The following ZNG1E variants were observed in gnomAD, a reference collection of about 807,000 sequenced individuals.
ZNG1E encodes zinc-regulated GTPase metalloprotein activator 1E.
At chr9:65,680,856 T>C in the ZNG1E span, among the ~76,000 whole-genome samples, 1 of 152,110 alleles carries the variant, frequency 6.6e-6, no homozygotes, top group Non-Finnish European at 1.5e-5. Context: ...TGGCACAGTC[T>C]CGGGTCACTG....
the ZNG1E span, among the ~76,000 whole-genome samples, chr9:65,709,441 G>T: frequency 2.9e-5 from 4 of 138,546 alleles, no homozygotes; most frequent in South Asian, 4.5e-4. Flanking sequence ...CATGCTGGTG[G>T]GCTGCACCCA....
the ZNG1E span, among the ~76,000 whole-genome samples, chr9:65,688,034 C>A: frequency 4.6e-5 from 7 of 151,158 alleles, no homozygotes; most frequent in African/African-American, 1.5e-4. Flanking sequence ...TTCTTTTGTT[C>A]TTCGTATGTA....
At chr9:65,665,241 C>T in the ZNG1E span, among the ~76,000 whole-genome samples, 1 of 152,284 alleles carries the variant, frequency 6.6e-6, no homozygotes, top group Non-Finnish European at 1.5e-5. Flanking sequence ...ATCACAGGCC[C>T]AGAGGTTTAG....
the ZNG1E span, among the ~76,000 whole-genome samples, chr9:65,657,494 C>A: frequency 6.6e-6 from 1 of 152,282 alleles, no homozygotes; most frequent in Non-Finnish European, 1.5e-5. Context: ...CACATGTTCT[C>A]ACTCATTTGT....
At chr9:65,659,613 A>T in the ZNG1E span, among the ~76,000 whole-genome samples, 1 of 151,960 alleles carries the variant, frequency 6.6e-6, no homozygotes, top group African/African-American at 2.4e-5. Flanking sequence ...GTCCCTGTGG[A>T]CTTAGGCCAG....
chr9:65,658,099 CAAA>C, the ZNG1E span, among the ~76,000 whole-genome samples: 1 of 47,432 alleles, frequency 2.1e-5, no homozygotes, highest in African/African-American at 1.1e-4. Context: ...AACTCCGTCT[CAAA>C]AAAAAAAAAA....
the ZNG1E span, among the ~76,000 whole-genome samples, chr9:65,659,336 A>C: frequency 6.7e-6 from 1 of 150,212 alleles, no homozygotes; most frequent in African/African-American, 2.5e-5. Flanking sequence ...CTCTACTAAA[A>C]ATACAAAAAT....
chr9:65,717,999 T>A, the ZNG1E span, among the ~76,000 whole-genome samples: 7 of 141,928 alleles, frequency 4.9e-5, no homozygotes, highest in African/African-American at 1.7e-4. Context: ...TTCTTTTTTT[T>A]ATATTTATTT....
chr9:65,659,383 T>TAGCTGGG, the ZNG1E span, among the ~76,000 whole-genome samples: 2 of 150,886 alleles, frequency 1.3e-5, no homozygotes, highest in South Asian at 4.2e-4. Context: ...TAATCCCAGC[T>TAGCTGGG]ACTCAGAAGG....
the ZNG1E span, among the ~76,000 whole-genome samples, chr9:65,663,161 C>T: frequency 6.6e-6 from 1 of 152,278 alleles, no homozygotes; most frequent in African/African-American, 2.4e-5. Context: ...CCAATGTTTA[C>T]TGAGGAAGAA....
the ZNG1E span, among the ~76,000 whole-genome samples, chr9:65,672,443 A>G: frequency 7.7e-6 from 1 of 129,198 alleles, no homozygotes; most frequent in Non-Finnish European, 1.6e-5. Context: ...TAACCTTCTT[A>G]TAAGTTAAAA....
the ZNG1E span, among the ~76,000 whole-genome samples, chr9:65,684,556 A>ACACACT: frequency 7.2e-6 from 1 of 139,276 alleles, no homozygotes; most frequent in African/African-American, 2.8e-5. Flanking sequence ...GCACGCACAC[A>ACACACT]CACACACACA....
At chr9:65,676,589 G>A in the ZNG1E span, among the ~76,000 whole-genome samples, 2 of 150,998 alleles carry the variant, frequency 1.3e-5, no homozygotes, top group Non-Finnish European at 2.9e-5. Context: ...CCCTTCCCCA[G>A]GAGCCAAAGT....
At chr9:65,714,081 C>T in the ZNG1E span, among the ~76,000 whole-genome samples, 1 of 149,458 alleles carries the variant, frequency 6.7e-6, no homozygotes, top group Non-Finnish European at 1.5e-5. Flanking sequence ...CTCTAAACTT[C>T]CCTTCTTGCT....
At chr9:65,703,706 C>G in the ZNG1E span, 1 of 966,930 alleles carries the variant, frequency 1.0e-6, no homozygotes, top group East Asian at 1.2e-4. Flanking sequence ...TACTCAGTCT[C>G]TACTTGAGAA....
chr9:65,671,931 T>A, the ZNG1E span, among the ~76,000 whole-genome samples: 1 of 139,118 alleles, frequency 7.2e-6, no homozygotes, highest in African/African-American at 2.7e-5. Context: ...TTGCTCTCTC[T>A]CTTATTATAT....
the ZNG1E span, among the ~76,000 whole-genome samples, chr9:65,684,740 C>G: frequency 3.9e-5 from 6 of 152,166 alleles, no homozygotes; most frequent in Non-Finnish European, 7.3e-5. Context: ...GGGAGGGGGT[C>G]AAGCAAGCTG....
the ZNG1E span, among the ~76,000 whole-genome samples, chr9:65,658,116 A>AAAAAAT: frequency 7.7e-6 from 1 of 129,214 alleles, no homozygotes; most frequent in Non-Finnish European, 1.7e-5. Flanking sequence ...AAAAAAAAAA[A>AAAAAAT]CTTATGTTCC....
chr9:65,660,790 A>C, the ZNG1E span, among the ~76,000 whole-genome samples: 4 of 148,702 alleles, frequency 2.7e-5, no homozygotes, highest in East Asian at 8.2e-4. Flanking sequence ...AAAATAGTTA[A>C]ATTTTAATAT....
Sources: gnomAD v4.1 joint callset for allele counts (sites outside exome capture counted in the v4.1 genomes callset) on GRCh38, gnomAD v4.1.1 for gene constraint, MANE v1.5 for transcripts, NCBI Gene and HGNC (gene_info 2026-07-23, HGNC 2026-07-21) for gene names.